SORCS2: variants seen among roughly 807,000 people sequenced by gnomAD.
SORCS2 encodes the protein sortilin related VPS10 domain containing receptor 2.
In SORCS2, 100 loss-of-function variants were observed where a neutral mutation model predicts 141.6. The ratio of observed to expected loss-of-function variants is 0.71; its 90% confidence interval spans 0.60 to 0.83. SORCS2 has a LOEUF of 0.83. SORCS2 is among the 40% of genes least tolerant of loss of function. The pLI is 0.00. For missense variants in SORCS2, 1,646 were observed against 1,560.2 expected (o/e 1.05, Z -0.93); for synonymous variants, 789 against 676.9 (o/e 1.17, Z -2.57).
chr4:7,625,623 C>T (rs1200683073), intron 3 of SORCS2, among the ~76,000 whole-genome samples: 1 of 150,292 alleles, frequency 6.7e-6, no homozygotes, highest in East Asian at 2.0e-4. Flanking sequence ...GTACGATGGT[C>T]ACTGGACTCA....
intron 2 of SORCS2, among the ~76,000 whole-genome samples, chr4:7,403,939 C>T (rs950709635): frequency 7.6e-6 from 1 of 131,058 alleles, no homozygotes; most frequent in African/African-American, 2.8e-5. Context: ...CACTGCCTGT[C>T]ATTTTCTCTG....
intron 3 of SORCS2, among the ~76,000 whole-genome samples, chr4:7,551,543 C>T (rs1325708595): frequency 6.6e-6 from 1 of 152,144 alleles, no homozygotes; most frequent in Non-Finnish European, 1.5e-5. Context: ...GAGATGATGC[C>T]CTGGGCTGAG....
At chr4:7,310,322 G>T (rs1038159350) in intron 1 of SORCS2, 1 of 154,134 alleles carries the variant, frequency 6.5e-6, no homozygotes, top group Non-Finnish European at 1.5e-5. Flanking sequence ...GTTGTCCAAG[G>T]TTACACAGCC....
At chr4:7,737,258 C>CCGCTGGGCCGCTGGGGCCAGCAAAA (rs1342078151) in intron 26 of SORCS2, 86 bp downstream of exon 26, 28 of 1,520,294 alleles carry the variant, frequency 1.8e-5, no homozygotes, top group Non-Finnish European at 2.4e-5. Flanking sequence ...ACAGGCCACC[C>CCGCTGGGCCGCTGGGGCCAGCAAAA]CGCTGGGCCG....
At chr4:7,375,811 T>A (rs1244632727) in intron 1 of SORCS2, among the ~76,000 whole-genome samples, 2 of 152,154 alleles carry the variant, frequency 1.3e-5, no homozygotes, top group Admixed American at 6.5e-5. Context: ...CAAGGACAAA[T>A]GTCTGGGGTT....
At chr4:7,602,644 T>G (rs577323240) in intron 3 of SORCS2, among the ~76,000 whole-genome samples, 8 of 144,086 alleles carry the variant, frequency 5.6e-5, no homozygotes, top group African/African-American at 1.3e-4. Flanking sequence ...ACGGGATGAC[T>G]GCCGGGAAGA....
chr4:7,497,878 A>G (rs1184361371), intron 2 of SORCS2, among the ~76,000 whole-genome samples: 1 of 152,280 alleles, frequency 6.6e-6, no homozygotes, highest in Non-Finnish European at 1.5e-5. Context: ...CTTTGTGGAA[A>G]AGGCCAGATA....
intron 3 of SORCS2, among the ~76,000 whole-genome samples, chr4:7,626,147 A>AAAAG (rs1719502405): frequency 6.6e-6 from 1 of 152,044 alleles, no homozygotes; most frequent in Admixed American, 6.5e-5. Flanking sequence ...ACCCTGTCTC[A>AAAAG]AAATAAATAA....
intron 3 of SORCS2, among the ~76,000 whole-genome samples, chr4:7,616,759 A>G (rs1718788831): frequency 6.6e-6 from 1 of 152,288 alleles, no homozygotes; most frequent in Non-Finnish European, 1.5e-5. Flanking sequence ...CTCATAACTT[A>G]AAGAGCTTGT....
intron 2 of SORCS2, among the ~76,000 whole-genome samples, chr4:7,490,910 C>A (rs950709685): frequency 5.3e-5 from 8 of 152,166 alleles, no homozygotes; most frequent in African/African-American, 1.9e-4. Flanking sequence ...CCACCGTCTC[C>A]TCCTAGGGAC....
At position 7,733,692 on chromosome 4, in the gene SORCS2, G is replaced by A. The variant is rs777918976; in HGVS notation, c.3208+271G>A. ...CCCCAACCCACAGAGCTGTCTCCTC[G>A]GCTGTCAGTCATCCTTTCCCCTTTG... On this transcript the variant is annotated intron_variant, in intron 24 of 26. Coordinates refer to ENST00000507866, the MANE Select transcript of SORCS2 (RefSeq NM_020777.3). Among the ~76,000 whole-genome samples the A allele has an allele frequency of 7.9e-5, 12 of 152,334 alleles. 1 individual carries two copies. Among genetic ancestry groups the A allele is most frequent in the South Asian group, 6.2e-4 (3 of 4,828 alleles).
At chr4:7,727,006 C>A (rs1056994476) in intron 21 of SORCS2, 103 bp downstream of exon 21, 3 of 1,382,084 alleles carry the variant, frequency 2.2e-6, no homozygotes, top group Non-Finnish European at 2.9e-6. Flanking sequence ...CCTGGTCACC[C>A]TGAGTGGCCC....
At chr4:7,339,552 C>G (rs112423581) in intron 1 of SORCS2, among the ~76,000 whole-genome samples, 269 of 152,150 alleles carry the variant, frequency 1.8e-3, no homozygotes, top group South Asian at 0.012. Context: ...GATGCCCCAC[C>G]CTGGTCTCTG....
chr4:7,645,678 C>T (rs1313928666), intron 4 of SORCS2, among the ~76,000 whole-genome samples: 2 of 152,196 alleles, frequency 1.3e-5, no homozygotes, highest in Non-Finnish European at 2.9e-5. Context: ...GCATGCCAGG[C>T]ACTGCTCCAC....
intron 2 of SORCS2, among the ~76,000 whole-genome samples, chr4:7,517,951 C>T (rs867723360): frequency 2.0e-5 from 3 of 152,206 alleles, no homozygotes; most frequent in Admixed American, 6.5e-5. Context: ...ATGCCACACA[C>T]GCTGGACGGA....
At chr4:7,733,237 T>A in intron 23 of SORCS2, 85 bp from the exon 24 acceptor site, 1 of 598,314 alleles carries the variant, frequency 1.7e-6, no homozygotes, top group Non-Finnish European at 2.1e-6. Flanking sequence ...CTCACTCCCC[T>A]CCTGGAGGAG....
intron 1 of SORCS2, among the ~76,000 whole-genome samples, chr4:7,308,172 G>C (rs1219042899): frequency 6.6e-6 from 1 of 152,128 alleles, no homozygotes; most frequent in Non-Finnish European, 1.5e-5. Flanking sequence ...GCACTTTCTT[G>C]ACTCCACCCC....
At chr4:7,602,887 G>A (rs534405499) in intron 3 of SORCS2, among the ~76,000 whole-genome samples, 16 of 152,254 alleles carry the variant, frequency 1.1e-4, no homozygotes, top group Non-Finnish European at 2.2e-4. Context: ...CTGAGTGAGC[G>A]AGACTCCGTC....
In SORCS2 at chr4:7,664,374, C is replaced by T; in HGVS notation, c.974C>T (p.Ala325Val). The change falls in exon 7 of 27, where the codon GCA (alanine) becomes GTA (valine). Residue 325 changes from alanine (A) to valine (V), a missense_variant. Ala to Val is a moderately conservative substitution (Grantham distance 64, BLOSUM62 0). Coordinates refer to ENST00000507866, the MANE Select transcript of SORCS2 (RefSeq NM_020777.3). The surrounding 1 kb of genome is among the most constrained non-coding windows in gnomAD (Gnocchi z 4.7). ...GTAGATTTTCGGTACGTCACCTGCGCAATCCACAATTGCTCCGAGAAGATG... is the reference window on the plus strand; with the variant it reads ...GTAGATTTTCGGTACGTCACCTGCGTAATCCACAATTGCTCCGAGAAGATG... ...LGGDFRYVTC[A>V]IHNCSEKMLT... 1.9e-6 allele frequency: 3 copies of T among 1,613,866 alleles called. No homozygotes were observed. Among genetic ancestry groups the T allele is most frequent in the Non-Finnish European group, 2.5e-6 (3 of 1,179,846 alleles).
Sources: allele counts gnomAD v4.1 joint callset (sites outside exome capture counted in the v4.1 genomes callset), GRCh38; gene constraint gnomAD v4.1.1; non-coding constraint Gnocchi (gnomAD v3.1); transcripts MANE v1.5; gene names NCBI Gene and HGNC (gene_info 2026-07-23, HGNC 2026-07-21).